Variants in MTMR6 observed in about 807,000 individuals in gnomAD.
MTMR6 encodes the protein phosphatidylinositol-3,5-bisphosphate 3-phosphatase MTMR6.
In MTMR6, 47 loss-of-function variants were observed where a neutral mutation model predicts 80.1. The ratio of observed to expected loss-of-function variants is 0.59; its 90% CI spans 0.46 to 0.75. The LOEUF (loss-of-function observed/expected upper bound fraction) is 0.75, where lower values mean the gene tolerates loss of function less well. Ranked by LOEUF, MTMR6 falls within the 30% of genes least tolerant of loss-of-function variation. MTMR6 has a pLI of 0.00. For missense variants in MTMR6, 629 were observed against 730.9 expected, an observed-to-expected ratio of 0.86 and a Z score of 1.61; for synonymous variants, 254 against 253.0, an observed-to-expected ratio of 1.00 and a Z score of -0.04.
intron 9 of MTMR6, among the ~76,000 whole-genome samples, chr13:25,255,677 C>T (rs1222006735): frequency 6.6e-6 from 1 of 152,184 alleles, no homozygotes; most frequent in Non-Finnish European, 1.5e-5. Context: ...GTACACATCA[C>T]CATGCCCGGC....
chr13:25,266,274 T>C lies in MTMR6; in HGVS notation c.317A>G (p.Asp106Gly), dbSNP rs758510620. ...LQLSKQAKYE[D>G]LYAFSYNPKQ... ...GGGATTATAAGAAAATGCATAGAGA[T>C]CTTCATATTTTGCTACAGAATACAA... Residue 106 changes from aspartate (D) to glycine (G), a missense_variant, in exon 4 of 14, where the codon GAT (aspartate) becomes GGT (glycine). Physicochemically the swap from Asp to Gly is moderately conservative, Grantham distance 94. Transcript: ENST00000381801. The C allele has an allele frequency of 2.5e-6, 4 of 1,610,878 alleles. No homozygotes were observed. The South Asian group carries it at 4.4e-5, about 18-fold the overall frequency.
At chr13:25,282,457 C>T (rs1271291063) in intron 1 of MTMR6, among the ~76,000 whole-genome samples, 1 of 152,044 alleles carries the variant, frequency 6.6e-6, no homozygotes, top group East Asian at 1.9e-4. Flanking sequence ...CAGTGCCTGG[C>T]CCAAGGAGGA....
At chr13:25,257,075 G>T (rs941044672) in intron 9 of MTMR6, 121 bp downstream of exon 9, 1 of 1,092,472 alleles carries the variant, frequency 9.2e-7, no homozygotes, top group East Asian at 2.7e-5. Context: ...CCACTCCCAC[G>T]GATGCCAGTC....
chr13:25,274,124 AC>A lies in MTMR6; in HGVS notation c.87del (p.Tyr30IlefsTer27), dbSNP rs753178179. The A allele has an allele frequency of 1.7e-5, 27 of 1,613,368 alleles. No homozygotes were observed. The highest frequency in any genetic ancestry group is 2.2e-5 in the Non-Finnish European group (26 of 1,179,692). On this transcript the variant is annotated frameshift_variant, in exon 2 of 14. Coordinates refer to ENST00000381801, the MANE Select transcript of MTMR6 (RefSeq NM_004685.5). LOFTEE classifies it high-confidence loss of function. ...STSNKSLTGT[L>X]YLTATHLLFI... ...AATAATAGATGTGTAGCCGTAAGATACAGTGTTCCTGTTAATGACTTGTTGC... is the reference window on the plus strand; with the variant it reads ...AATAATAGATGTGTAGCCGTAAGATAAGTGTTCCTGTTAATGACTTGTTGC...
intron 11 of MTMR6, 75 bp downstream of exon 11, chr13:25,253,687 TAA>T (rs1476035840): frequency 8.1e-7 from 1 of 1,227,150 alleles, no homozygotes; most frequent in Non-Finnish European, 1.1e-6. Flanking sequence ...GATATTTTAT[TAA>T]GTTTCAAACA....
In MTMR6 at chr13:25,251,879, C is replaced by T; in HGVS notation, c.1452G>A (p.Glu484=). 6.2e-7 allele frequency: 1 copy of T among 1,608,136 alleles called. No individual in the cohort carries two copies. Among genetic ancestry groups the T allele is most frequent in the South Asian group, 1.1e-5 (1 of 89,442 alleles). Residue 484 remains glutamate, a synonymous_variant, in exon 12 of 14, where the codon GAG becomes GAA. Coordinates refer to ENST00000381801, the MANE Select transcript of MTMR6 (RefSeq NM_004685.5). This position sits in a 1 kb window ranked among gnomAD's most constrained non-coding sequence, Gnocchi z 4.1. ...TAAAATTGAAAGATACTGTATTTGG[C>T]TCCAAAACTGTAAATCTGTGAGATT... ...SSESHRFTVL[E]PNTVSFNFKF...
rs769719876 is a variant in MTMR6 at position 25,264,753 on chromosome 13, CAAAAA to C, written c.591+1061_591+1065del. Among the ~76,000 whole-genome samples, 46 of 33,488 alleles carry C rather than the reference CAAAAA, an allele frequency of 1.4e-3. 2 individuals are homozygous for C. The East Asian group carries it at 0.046, about 34-fold the overall frequency. The allele number at this position is 33,488 out of a possible 152,430, so 22.0% of individuals were successfully genotyped here. The stretch of plus-strand genomic sequence containing the variant: ...CTGGGCAACAAGAGAAACTCCATCT[CAAAAA>C]AAAAAAAAAAAAAAAAAGAAATTTC... On this transcript the variant is annotated intron_variant, in intron 5 of 13. Transcript: ENST00000381801.
chr13:25,254,459 C>G, intron 9 of MTMR6, 25 bp from the exon 10 acceptor site: 1 of 1,383,918 alleles, frequency 7.2e-7, no homozygotes. Flanking sequence ...GTAAAATTCA[C>G]TTTCTGACTA....
At chr13:25,286,712 C>A (rs534470338) in intron 1 of MTMR6, among the ~76,000 whole-genome samples, 1 of 152,184 alleles carries the variant, frequency 6.6e-6, no homozygotes, top group African/African-American at 2.4e-5. Context: ...ACACCGGATG[C>A]GAAAGACTGG....
chr13:25,287,313 T>G lies in MTMR6; in HGVS notation c.-66A>C, dbSNP rs1957974316. 16 of 1,548,034 alleles carry G rather than the reference T, an allele frequency of 1.0e-5. No homozygotes were observed. The highest frequency in any genetic ancestry group is 1.3e-5 in the Non-Finnish European group (15 of 1,149,362). ...CCATACGGCTACAGAAACAGGGCGG[T>G]GACAGCGACAGAGAGCAAGCGGGAA... On this transcript the variant is annotated 5_prime_UTR_variant, in exon 1 of 14. Transcript: ENST00000381801.
Position 25,248,653 on chromosome 13 carries a change from C to T in MTMR6, c.*579G>A, listed in dbSNP as rs1447735077. ...GCAGTAATGAGAGCACAATTCTTTA[C>T]AAACAAAACAAGGCTGACCAGAAGA... On this transcript the variant is annotated 3_prime_UTR_variant, in exon 14 of 14. Coordinates refer to ENST00000381801, the MANE Select transcript of MTMR6 (RefSeq NM_004685.5). 6.6e-6 allele frequency: 1 copy of T among 152,612 alleles called. No homozygotes were observed. The highest frequency in any genetic ancestry group is 2.4e-5 in the African/African-American group (1 of 41,394). The allele number at this position is 152,612 out of a possible 1,614,324, so 9.5% of individuals were successfully genotyped here.
rs553567803 is a variant in MTMR6 at position 25,274,027 on chromosome 13, T to C, written c.141+44A>G. The C allele has an allele frequency of 3.3e-6, 4 of 1,220,938 alleles. No individual in the cohort carries two copies. The East Asian group carries it at 9.4e-5, about 29-fold the overall frequency. The allele number at this position is 1,220,938 out of a possible 1,614,324, so 75.6% of individuals were successfully genotyped here. On this transcript the variant is annotated intron_variant, in intron 2 of 13. Transcript: ENST00000381801. Reference sequence around the variant, plus strand: ...TCAAAATAAAACATGACAGACCAAGTCCATTATTATTATGATAAATAGTAC... The same window carrying C: ...TCAAAATAAAACATGACAGACCAAGCCCATTATTATTATGATAAATAGTAC...
intron 13 of MTMR6, among the ~76,000 whole-genome samples, chr13:25,249,930 G>T (rs1221521773): frequency 6.6e-6 from 1 of 152,072 alleles, no homozygotes; most frequent in East Asian, 1.9e-4. Context: ...GGTTTGTTAG[G>T]TAAAAATAAC....
intron 2 of MTMR6, among the ~76,000 whole-genome samples, chr13:25,268,211 A>G (rs976417797): frequency 2.6e-5 from 4 of 152,018 alleles, no homozygotes; most frequent in African/African-American, 7.2e-5. Flanking sequence ...ACTTCTCTCT[A>G]TCTCTACTGT....
chr13:25,267,695 T>G, intron 3 of MTMR6, 84 bp downstream of exon 3: 1 of 1,374,178 alleles, frequency 7.3e-7, no homozygotes, highest in Non-Finnish European at 9.9e-7. Flanking sequence ...AAGGATAAAA[T>G]AACAATAATA....
chr13:25,250,935 A>G (rs1431282384), intron 13 of MTMR6, among the ~76,000 whole-genome samples: 1 of 152,232 alleles, frequency 6.6e-6, no homozygotes, highest in Non-Finnish European at 1.5e-5. Flanking sequence ...GAAAAACAGT[A>G]TTATAAATTG....
At chr13:25,285,392 C>CT (rs1182344163) in intron 1 of MTMR6, among the ~76,000 whole-genome samples, 1 of 103,142 alleles carries the variant, frequency 9.7e-6, no homozygotes. Context: ...CTTTTCCGCC[C>CT]CCCCCCCCCC....
At chr13:25,286,727 C>G (rs554189823) in intron 1 of MTMR6, among the ~76,000 whole-genome samples, 1 of 152,272 alleles carries the variant, frequency 6.6e-6, no homozygotes, top group African/African-American at 2.4e-5. Context: ...GACTGGAGAC[C>G]GAGACAGCAA....
chr13:25,261,391 AAG>A (rs1957337840), intron 6 of MTMR6, among the ~76,000 whole-genome samples: 1 of 151,524 alleles, frequency 6.6e-6, no homozygotes, highest in African/African-American at 2.4e-5. Context: ...ACAATAACAT[AAG>A]ACTTATATAC....
Sources: allele counts gnomAD v4.1 joint callset (sites outside exome capture counted in the v4.1 genomes callset), GRCh38; gene constraint gnomAD v4.1.1; non-coding constraint Gnocchi (gnomAD v3.1); transcripts MANE v1.5; gene names NCBI Gene and HGNC (gene_info 2026-07-23, HGNC 2026-07-21).